The following CACNA2D3 variants were observed in gnomAD, a reference collection of about 807,000 sequenced individuals.
The protein encoded by CACNA2D3 is calcium voltage-gated channel auxiliary subunit alpha2delta 3, also known as voltage-dependent calcium channel subunit alpha-2/delta-3.
CACNA2D3 carries 60 observed loss-of-function variants against 160.6 expected under a neutral mutation model. The ratio of observed to expected loss-of-function variants is 0.37; its 90% confidence interval spans 0.30 to 0.46. The LOEUF is 0.46. CACNA2D3 is among the 20% of genes least tolerant of loss of function. The probability of loss-of-function intolerance (pLI) is 1.00; values close to 1 mark genes in which losing one functional copy is unlikely to be tolerated. For missense variants in CACNA2D3, 1,205 were observed against 1,365.0 expected, an observed-to-expected ratio of 0.88 and a Z score of 1.85; for synonymous variants, 558 against 492.9, an observed-to-expected ratio of 1.13 and a Z score of -1.75.
chr3:54,858,193 A>G (rs1468188632), intron 17 of CACNA2D3, among the ~76,000 whole-genome samples: 1 of 151,852 alleles, frequency 6.6e-6, no homozygotes, highest in Non-Finnish European at 1.5e-5. Flanking sequence ...ATTTGTCTGC[A>G]CCTCCTTCCC....
Position 54,570,004 on chromosome 3 carries a change from T to C in CACNA2D3, c.788T>C (p.Val263Ala). 1 of 1,614,022 alleles carries C rather than the reference T, an allele frequency of 6.2e-7. No individual in the cohort carries two copies. Among genetic ancestry groups the C allele is most frequent in the South Asian group, 1.1e-5 (1 of 91,074 alleles). ...AAAGACGTGGTCATTTTAGTTGACG[T>C]CAGTGGCAGCATGAAAGGACTCCGT... is the stretch of plus-strand genomic sequence containing the variant. The part of the protein sequence containing the change: ...SPKDVVILVD[V>A]SGSMKGLRLT... Residue 263 changes from valine (V) to alanine (A), a missense_variant, in exon 8 of 38, where the codon GTC becomes GCC. Coordinates refer to ENST00000474759, the MANE Select transcript of CACNA2D3 (RefSeq NM_018398.3).
chr3:54,393,892 G>T (rs1002269870), intron 4 of CACNA2D3, among the ~76,000 whole-genome samples: 13 of 152,202 alleles, frequency 8.5e-5, no homozygotes, highest in Non-Finnish European at 1.3e-4. Flanking sequence ...TCTTCTTGGG[G>T]AGTGGGGTCA....
At chr3:54,797,040 T>G (rs563342647) in intron 13 of CACNA2D3, among the ~76,000 whole-genome samples, 5 of 152,292 alleles carry the variant, frequency 3.3e-5, no homozygotes, top group Admixed American at 3.3e-4. Context: ...TAACATGGGA[T>G]TCTTTAAGAT....
chr3:54,691,015 A>C (rs1007768132), intron 11 of CACNA2D3, among the ~76,000 whole-genome samples: 1 of 151,946 alleles, frequency 6.6e-6, no homozygotes, highest in African/African-American at 2.4e-5. Context: ...TTTTTGGTTG[A>C]GCTTTTCTCT....
intron 2 of CACNA2D3, among the ~76,000 whole-genome samples, chr3:54,131,526 G>A (rs1699707536): frequency 6.6e-6 from 1 of 152,198 alleles, no homozygotes; most frequent in South Asian, 2.1e-4. Flanking sequence ...GCCCCCTTGG[G>A]CAGCATTTCA....
chr3:54,136,975 C>T lies in CACNA2D3; in HGVS notation c.204+13381C>T, dbSNP rs74608281. Reference sequence around the variant, plus strand: ...TTCCCTAAAGAGACTCAGTCATTCCCTCCCTTCCATTCTGGCCTATGCACA... The same window carrying T: ...TTCCCTAAAGAGACTCAGTCATTCCTTCCCTTCCATTCTGGCCTATGCACA... On this transcript the variant is annotated intron_variant, in intron 2 of 37. Transcript: ENST00000474759. 6.0e-3 allele frequency among the ~76,000 whole-genome samples: 917 copies of T among 152,308 alleles called. 7 individuals are homozygous for T. The highest frequency in any genetic ancestry group is 0.021 in the African/African-American group (888 of 41,548).
chr3:54,393,377 C>T (rs1436420264), intron 4 of CACNA2D3, among the ~76,000 whole-genome samples: 2 of 152,134 alleles, frequency 1.3e-5, no homozygotes, highest in Non-Finnish European at 2.9e-5. Context: ...GGGTACTGCA[C>T]CGTCTTTGAA....
At chr3:54,838,477 C>A in intron 15 of CACNA2D3, 91 bp from the exon 16 acceptor site, 1 of 1,011,578 alleles carries the variant, frequency 9.9e-7, no homozygotes, top group Non-Finnish European at 1.6e-6. Context: ...GGGGAAGGCA[C>A]CAGGCAGACG....
At chr3:54,462,730 A>G (rs139316953) in intron 4 of CACNA2D3, among the ~76,000 whole-genome samples, 3,208 of 152,130 alleles carry the variant, frequency 0.021, 84 homozygotes, top group East Asian at 0.11. Context: ...TCTTTATCCA[A>G]TTTGCCAGTC....
intron 27 of CACNA2D3, among the ~76,000 whole-genome samples, chr3:54,953,392 T>C (rs1231194075): frequency 6.6e-6 from 1 of 152,164 alleles, no homozygotes; most frequent in Non-Finnish European, 1.5e-5. Flanking sequence ...CCGGTAACAC[T>C]ACGGCTTCTT....
At chr3:54,249,193 G>A (rs903884893) in intron 2 of CACNA2D3, among the ~76,000 whole-genome samples, 4 of 152,094 alleles carry the variant, frequency 2.6e-5, no homozygotes, top group Admixed American at 6.6e-5. Context: ...TGTTGTTTTC[G>A]TTTGGAGATT....
At chr3:54,448,006 A>C (rs1002032011) in intron 4 of CACNA2D3, among the ~76,000 whole-genome samples, 6 of 152,144 alleles carry the variant, frequency 3.9e-5, no homozygotes, top group Admixed American at 3.3e-4. Flanking sequence ...CCACGAGGGA[A>C]TTTACGAAAA....
chr3:54,569,880 T>G (rs780790446), intron 7 of CACNA2D3, 25 bp downstream of exon 7: 1 of 1,610,294 alleles, frequency 6.2e-7, no homozygotes, highest in African/African-American at 1.3e-5. Context: ...GACCTCTTTG[T>G]TATTTCTCAA....
intron 2 of CACNA2D3, among the ~76,000 whole-genome samples, chr3:54,215,869 GTTTTC>G (rs751000772): frequency 1.3e-4 from 18 of 139,852 alleles, no homozygotes; most frequent in African/African-American, 3.0e-4. Flanking sequence ...TGAGCTTACT[GTTTTC>G]TTTTCTTTTC....
At chr3:54,367,935 G>A (rs1269306268) in intron 3 of CACNA2D3, among the ~76,000 whole-genome samples, 1 of 152,136 alleles carries the variant, frequency 6.6e-6, no homozygotes, top group East Asian at 1.9e-4. Flanking sequence ...ACCACTGTCT[G>A]CCTGTGGCTT....
At chr3:54,627,286 CTAGGCTAGTCT>C (rs961374021) in intron 9 of CACNA2D3, among the ~76,000 whole-genome samples, 3 of 152,180 alleles carry the variant, frequency 2.0e-5, no homozygotes, top group Non-Finnish European at 4.4e-5. Flanking sequence ...AGGAAGCATT[CTAGGCTAGTCT>C]TAGAGGCTGG....
intron 11 of CACNA2D3, among the ~76,000 whole-genome samples, chr3:54,676,112 A>C (rs1700238704): frequency 6.6e-6 from 1 of 152,146 alleles, no homozygotes; most frequent in African/African-American, 2.4e-5. Context: ...TAGTAACATC[A>C]ACCACGCACA....
chr3:54,726,530 AC>A (rs1349529898), intron 11 of CACNA2D3, among the ~76,000 whole-genome samples: 1 of 152,228 alleles, frequency 6.6e-6, no homozygotes, highest in Non-Finnish European at 1.5e-5. Flanking sequence ...GACTACAGTA[AC>A]CAAAACAGCA....
At chr3:54,211,995 A>C (rs961940690) in intron 2 of CACNA2D3, among the ~76,000 whole-genome samples, 1 of 152,040 alleles carries the variant, frequency 6.6e-6, no homozygotes, top group African/African-American at 2.4e-5. Context: ...AGAAATCTCA[A>C]CTTCACCCAC....
Sources: allele counts gnomAD v4.1 joint callset (sites outside exome capture counted in the v4.1 genomes callset), GRCh38; gene constraint gnomAD v4.1.1; transcripts MANE v1.5; gene names NCBI Gene and HGNC (gene_info 2026-07-23, HGNC 2026-07-21).